The following LEPROTL1 variants were observed in gnomAD, a reference collection of about 807,000 sequenced individuals.
LEPROTL1 encodes leptin receptor overlapping transcript-like 1.
Under a neutral mutation model 15.4 loss-of-function variants are expected in LEPROTL1, and 6 were observed. The ratio of observed to expected loss-of-function variants is 0.39; its 90% CI spans 0.21 to 0.77. LEPROTL1 has a LOEUF of 0.77. Ranked by LOEUF, LEPROTL1 falls within the 30% of genes least tolerant of loss-of-function variation. LEPROTL1 has a pLI of 0.41. For synonymous variants in LEPROTL1, 56 were observed against 52.6 expected, an observed-to-expected ratio of 1.06 and a Z score of -0.28; for missense variants, 128 against 158.1, an observed-to-expected ratio of 0.81 and a Z score of 1.02.
downstream of LEPROTL1, among the ~76,000 whole-genome samples, chr8:30,110,607 G>A (rs186932094): frequency 3.3e-5 from 5 of 151,888 alleles, no homozygotes; most frequent in African/African-American, 7.3e-5. Flanking sequence ...TGGTGGTGGC[G>A]CCTGTAGTCC....
At position 30,106,430 on chromosome 8, in the gene LEPROTL1, A is replaced by T; in HGVS notation, c.*568A>T. 1.0e-6 allele frequency: 1 copy of T among 985,806 alleles called. No homozygotes were observed. The highest frequency in any genetic ancestry group is 1.1e-4 in the East Asian group (1 of 8,820). 61.1% of individuals were successfully genotyped at this position (985,806 alleles called of 1,614,324 possible). Reference sequence around the variant, plus strand: ...CTGCATTTATACCTCAGAGGGGCCAAGTGTTAATGCCCATGCCCTCCGTTA... The same window carrying T: ...CTGCATTTATACCTCAGAGGGGCCATGTGTTAATGCCCATGCCCTCCGTTA... On this transcript the variant is annotated 3_prime_UTR_variant, in exon 4 of 4. Coordinates refer to ENST00000321250, the MANE Select transcript of LEPROTL1 (RefSeq NM_015344.3).
In LEPROTL1 at chr8:30,107,421, A is replaced by G. The variant is rs1563214811; in HGVS notation, c.*1559A>G. On this transcript the variant is annotated 3_prime_UTR_variant, in exon 4 of 4. Transcript: ENST00000321250. ...ATACTTACATAAAAATTATTTCGCC[A>G]TCAGCCAAAACTCAGTAATCATGAC... 1 of 985,732 alleles carries G rather than the reference A, an allele frequency of 1.0e-6. No homozygotes were observed. The highest frequency in any genetic ancestry group is 1.2e-6 in the Non-Finnish European group (1 of 829,898). 61.1% of individuals were successfully genotyped at this position (985,732 alleles called of 1,614,324 possible).
chr8:30,109,043 G>A (rs558475455), downstream of LEPROTL1, among the ~76,000 whole-genome samples: 58 of 34,854 alleles, frequency 1.7e-3, no homozygotes, highest in African/African-American at 7.1e-3. Flanking sequence ...CCCCCGCCCC[G>A]AAAAAAAGTG....
At chr8:30,105,687 T>G in intron 3 of LEPROTL1, 59 bp from the exon 4 acceptor site, 1 of 1,474,386 alleles carries the variant, frequency 6.8e-7, no homozygotes, top group East Asian at 2.4e-5. Flanking sequence ...CCTTGATTTT[T>G]TTTTTTATTT....
chr8:30,137,716 G>T (rs1461262602), downstream of LEPROTL1: 16 of 569,624 alleles, frequency 2.8e-5, no homozygotes, highest in African/African-American at 7.5e-5. Context: ...GAGGAACTTA[G>T]TTAATAGCTT....
intron 1 of LEPROTL1, among the ~76,000 whole-genome samples, chr8:30,100,491 A>G (rs996231521): frequency 1.3e-5 from 2 of 152,100 alleles, no homozygotes; most frequent in African/African-American, 4.8e-5. Flanking sequence ...GCTCTGTCGC[A>G]CAGGCTGGAA....
At chr8:30,109,236 G>A (rs543335263), downstream of LEPROTL1, among the ~76,000 whole-genome samples, 7 of 152,334 alleles carry the variant, frequency 4.6e-5, no homozygotes, top group East Asian at 1.3e-3. Flanking sequence ...ATCCCAGGAT[G>A]CTTTATGATG....
At position 30,102,671 on chromosome 8, in the gene LEPROTL1, TCTTTC is replaced by T. The variant is rs1802489448; in HGVS notation, c.92+702_92+706del. On this transcript the variant is annotated intron_variant, in intron 2 of 3. Coordinates refer to ENST00000321250, the MANE Select transcript of LEPROTL1 (RefSeq NM_015344.3). ...TGTTTCCAAAAAAAAAAAAAAAATT[TCTTTC>T]CTTAGGATAGAAAGAACTTCTCAAA... Among the ~76,000 whole-genome samples the T allele has an allele frequency of 2.0e-5, 3 of 151,986 alleles. No individual in the cohort carries two copies. The South Asian group carries it at 6.2e-4, about 32-fold the overall frequency.
chr8:30,096,192 CTTTT>C, intron 1 of LEPROTL1: 2 of 742,338 alleles, frequency 2.7e-6, no homozygotes, highest in Non-Finnish European at 1.5e-6. Context: ...CAAAATTTTT[CTTTT>C]TTTCCTTTTT....
chr8:30,103,162 A>T (rs1802501103), intron 2 of LEPROTL1, among the ~76,000 whole-genome samples: 1 of 152,224 alleles, frequency 6.6e-6, no homozygotes, highest in African/African-American at 2.4e-5. Flanking sequence ...AAAATGGTTA[A>T]ATTATAGTAA....
At chr8:30,119,142 CTT>C (rs1164846508) in intron 3 of LEPROTL1, among the ~76,000 whole-genome samples, 2 of 152,190 alleles carry the variant, frequency 1.3e-5, no homozygotes, top group African/African-American at 4.8e-5. Context: ...ATGGTGATGA[CTT>C]TTACCAAGCA....
intron 1 of LEPROTL1, 42 bp downstream of exon 1, chr8:30,095,570 G>A: frequency 7.5e-7 from 1 of 1,335,046 alleles, no homozygotes; most frequent in South Asian, 1.8e-5. Context: ...GGGGCCGGCG[G>A]GGGAAGATGG....
chr8:30,095,505 T>C lies in LEPROTL1; in HGVS notation c.-8T>C. On this transcript the variant is annotated 5_prime_UTR_variant, in exon 1 of 4. Coordinates refer to ENST00000321250, the MANE Select transcript of LEPROTL1 (RefSeq NM_015344.3). ...TCGGGTCGTGGAGCCAGGAGCGACG[T>C]CACCGCCATGGCAGGCATCAAAGGT... 1 of 1,460,464 alleles carries C rather than the reference T, an allele frequency of 6.8e-7. No homozygotes were observed. The highest frequency in any genetic ancestry group is 1.3e-5 in the South Asian group (1 of 76,164). The allele number at this position is 1,460,464 out of a possible 1,614,324, so 90.5% of individuals were successfully genotyped here. A position where few individuals can be genotyped will look rare whatever the true frequency, so the allele number is the denominator to read the frequency against.
At chr8:30,138,256 C>A, downstream of LEPROTL1, 1 of 294,624 alleles carries the variant, frequency 3.4e-6, no homozygotes, top group Non-Finnish European at 6.5e-6. Flanking sequence ...TCTTTCTTTA[C>A]TGCAATTCCC....
At position 30,107,624 on chromosome 8, in the gene LEPROTL1, T is replaced by G; in HGVS notation, c.*1762T>G. 2 of 985,872 alleles carry G rather than the reference T, an allele frequency of 2.0e-6. No individual in the cohort carries two copies. Among genetic ancestry groups the G allele is most frequent in the Non-Finnish European group, 2.4e-6 (2 of 829,944 alleles). The allele number at this position is 985,872 out of a possible 1,614,324, so 61.1% of individuals were successfully genotyped here. A position where few individuals can be genotyped will look rare whatever the true frequency, so the allele number is the denominator to read the frequency against. ...GAAATATCGGCGTGTGGCTGGAGCC[T>G]TCCCACTGGAGGCTGAAAGTGGCTT... On this transcript the variant is annotated 3_prime_UTR_variant, in exon 4 of 4. Coordinates refer to ENST00000321250, the MANE Select transcript of LEPROTL1 (RefSeq NM_015344.3).
rs375112131 is a variant in LEPROTL1, at chr8:30,137,278, C to T, written c.401C>T (p.Ala134Val). 29 of 1,551,152 alleles carry T rather than the reference C, an allele frequency of 1.9e-5. 1 individual carries two copies. The African/African-American group carries it at 2.2e-4, about 12-fold the overall frequency. ...CTTGATTTCTGTTTTCTAGATGGGG[C>T]GCCTACCCTTCTTCAGCAAGATGGG... Residue 134 changes from alanine to valine, a missense_variant, in exon 5 of 5, where the codon GCG (alanine) becomes GTG (valine). Coordinates refer to the LEPROTL1 transcript ENST00000442880.
Position 30,115,889 on chromosome 8 carries a change from C to T in LEPROTL1, c.279+11403C>T, listed in dbSNP as rs116997679. Reference sequence around the variant, plus strand: ...TAGTACATATGAAAATGATCACTCTCATAGATTTTAGGTGGAAGTGTAAGT... The same window carrying T: ...TAGTACATATGAAAATGATCACTCTTATAGATTTTAGGTGGAAGTGTAAGT... On this transcript the variant is annotated intron_variant, in intron 3 of 4. Transcript: ENST00000442880. Among the ~76,000 whole-genome samples, 53 of 152,180 alleles carry T rather than the reference C, an allele frequency of 3.5e-4. No homozygotes were observed. The East Asian group carries it at 8.5e-3, about 24-fold the overall frequency.
chr8:30,129,514 G>A (rs895553039), intron 3 of LEPROTL1, among the ~76,000 whole-genome samples: 7 of 152,156 alleles, frequency 4.6e-5, no homozygotes, highest in Non-Finnish European at 7.4e-5. Context: ...AGACTAGCCT[G>A]GCCAACACGG....
chr8:30,137,579 A>G, exon 5 of LEPROTL1: 1 of 1,096,370 alleles, frequency 9.1e-7, no homozygotes. Flanking sequence ...AATCACATTT[A>G]TATTCATTCT....
Sources: allele counts gnomAD v4.1 joint callset (sites outside exome capture counted in the v4.1 genomes callset), GRCh38; gene constraint gnomAD v4.1.1; transcripts MANE v1.5; gene names NCBI Gene and HGNC (gene_info 2026-07-23, HGNC 2026-07-21).